Variants in TJP1 observed in about 807,000 individuals in gnomAD.
The protein encoded by TJP1 is tight junction protein ZO-1.
In TJP1, 43 loss-of-function variants were observed where a neutral mutation model predicts 194.2. That is an observed-to-expected ratio of 0.22 (90% CI 0.17 to 0.29). The LOEUF is 0.29. Among genes scored for constraint, TJP1 ranks in the 10% least tolerant of loss-of-function variants. The probability of loss-of-function intolerance (pLI) is 1.00; values close to 1 mark genes in which losing one functional copy is unlikely to be tolerated. For missense variants in TJP1, 1,971 were observed against 2,185.7 expected (o/e 0.90, Z 1.96); for synonymous variants, 801 against 779.0 (o/e 1.03, Z -0.47).
intron 2 of TJP1, among the ~76,000 whole-genome samples, chr15:29,797,582 T>TA (rs201927768): frequency 0.019 from 2,568 of 133,292 alleles, 45 homozygotes; most frequent in African/African-American, 0.044. Context: ...CTGAATACGT[T>TA]AAAAAAAAAA....
chr15:29,924,805 G>A (rs566127173), intron 2 of TJP1, among the ~76,000 whole-genome samples: 36 of 152,286 alleles, frequency 2.4e-4, no homozygotes, highest in African/African-American at 7.7e-4. Context: ...CCCTAGGGCC[G>A]GTTTGCAAGT....
At chr15:29,956,749 C>T (rs916245166) in intron 1 of TJP1, among the ~76,000 whole-genome samples, 5 of 152,058 alleles carry the variant, frequency 3.3e-5, no homozygotes, top group African/African-American at 9.7e-5. Flanking sequence ...ATTAGCCTGT[C>T]CTGGTGGTGC....
At chr15:29,890,198 G>A (rs752255841) in intron 2 of TJP1, among the ~76,000 whole-genome samples, 4 of 152,178 alleles carry the variant, frequency 2.6e-5, no homozygotes, top group Non-Finnish European at 5.9e-5. Flanking sequence ...GGGAGGGGAC[G>A]GGGTGGGATC....
At chr15:29,829,394 G>A (rs933471679) in intron 2 of TJP1, among the ~76,000 whole-genome samples, 1 of 152,058 alleles carries the variant, frequency 6.6e-6, no homozygotes, top group Non-Finnish European at 1.5e-5. Flanking sequence ...TTAGGTGTGC[G>A]AGGGTGCCTG....
intron 2 of TJP1, among the ~76,000 whole-genome samples, chr15:29,832,126 C>T (rs184341370): frequency 6.6e-5 from 10 of 152,176 alleles, no homozygotes; most frequent in Non-Finnish European, 1.3e-4. Context: ...TCTTCCATCC[C>T]TTGAATCTGG....
intron 2 of TJP1, among the ~76,000 whole-genome samples, chr15:29,838,992 CTTTTTTTTTTT>C (rs760557407): frequency 2.4e-5 from 2 of 83,444 alleles, no homozygotes; most frequent in African/African-American, 1.0e-4. Context: ...AAAAATTCAC[CTTTTTTTTTTT>C]TTTTTTTTTT....
chr15:29,949,257 C>T (rs2055426455), intron 2 of TJP1, among the ~76,000 whole-genome samples: 1 of 105,358 alleles, frequency 9.5e-6, no homozygotes, highest in African/African-American at 4.4e-5. Flanking sequence ...ACCACCACCT[C>T]CACCACCACC....
In TJP1 at chr15:29,760,249, C is replaced by T. The variant is rs187848080; in HGVS notation, c.1010+890G>A. 13 of 702,258 alleles carry T rather than the reference C, an allele frequency of 1.9e-5. No homozygotes were observed. In the East Asian group the frequency reaches 3.5e-4, roughly 19 times the overall value. The allele number at this position is 702,258 out of a possible 1,614,324, so 43.5% of individuals were successfully genotyped here. A position where few individuals can be genotyped will look rare whatever the true frequency, so the allele number is the denominator to read the frequency against. ...CAATTGCTGCGTGTATGTGCACATG[C>T]ACATTTTTCTGGAGAGAAGGATCAT... On this transcript the variant is annotated intron_variant, in intron 8 of 27. Coordinates refer to ENST00000614355, the MANE Select transcript of TJP1 (RefSeq NM_001330239.4).
chr15:29,699,962 C>A (rs1257970735), downstream of TJP1: 1 of 253,474 alleles, frequency 3.9e-6, no homozygotes, highest in Non-Finnish European at 7.4e-6. Flanking sequence ...CCACTTCAGT[C>A]TGAGCCCTTC....
At chr15:29,726,505 T>C (rs766202195) in intron 17 of TJP1, 26 bp from the exon 18 acceptor site, 1 of 1,607,332 alleles carries the variant, frequency 6.2e-7, no homozygotes, top group South Asian at 1.1e-5. Context: ...CGATGTAGTT[T>C]TATGGTTAGA....
intron 2 of TJP1, among the ~76,000 whole-genome samples, chr15:29,907,980 T>C (rs2053872973): frequency 7.8e-6 from 1 of 127,942 alleles, no homozygotes; most frequent in African/African-American, 3.0e-5. Flanking sequence ...AAACTAAAAA[T>C]ATGGACAGAG....
intron 2 of TJP1, among the ~76,000 whole-genome samples, chr15:29,787,066 C>G (rs1442308228): frequency 6.6e-6 from 1 of 152,204 alleles, no homozygotes; most frequent in Non-Finnish European, 1.5e-5. Flanking sequence ...AGCTTAAATA[C>G]TTTATCAGAC....
Position 29,711,408 on chromosome 15 carries a change from C to T in TJP1, c.4203-408G>A, listed in dbSNP as rs867006525. The stretch of plus-strand genomic sequence containing the variant: ...TGAGACAGGGTCTCATTCTGTCGCC[C>T]AGACTGGAGTGCAGTGGCGCGATCT... On this transcript the variant is annotated intron_variant, in intron 23 of 27. Transcript: ENST00000614355. Among the ~76,000 whole-genome samples the T allele has an allele frequency of 5.3e-5, 8 of 152,284 alleles. No homozygotes were observed. In the South Asian group the frequency reaches 1.5e-3, roughly 28 times the overall value.
chr15:29,957,682 T>TGTTTATTTTTATCACTCAAC (rs2055998820), intron 1 of TJP1, among the ~76,000 whole-genome samples: 1 of 152,224 alleles, frequency 6.6e-6, no homozygotes, highest in African/African-American at 2.4e-5. Flanking sequence ...TTTAGTTTGT[T>TGTTTATTTTTATCACTCAAC]TTCCTATGTT....
At chr15:29,947,852 C>A (rs540674956) in intron 2 of TJP1, among the ~76,000 whole-genome samples, 53 of 152,330 alleles carry the variant, frequency 3.5e-4, no homozygotes, top group African/African-American at 1.2e-3. Flanking sequence ...ACGAGGGCAG[C>A]CTGGAACAGT....
chr15:29,750,093 C>T lies in TJP1; in HGVS notation c.1011-7312G>A, dbSNP rs566283513. Among the ~76,000 whole-genome samples the T allele has an allele frequency of 2.8e-3, 420 of 152,012 alleles. 3 individuals carry two copies. The highest frequency in any genetic ancestry group is 9.4e-3 in the African/African-American group (388 of 41,462). On this transcript the variant is annotated intron_variant, in intron 8 of 27. Coordinates refer to ENST00000614355, the MANE Select transcript of TJP1 (RefSeq NM_001330239.4). ...TGCGATCCTGGCTCACTGCAAGCTC[C>T]GCCTCCCGGGTTCACGCCATTCTCC...
chr15:29,884,830 G>A (rs2053061475), intron 2 of TJP1, among the ~76,000 whole-genome samples: 1 of 152,180 alleles, frequency 6.6e-6, no homozygotes, highest in Non-Finnish European at 1.5e-5. Context: ...GGATCAAAAA[G>A]TTCTAAGCAG....
chr15:29,729,253 T>C (rs1413845021), intron 15 of TJP1: 1 of 151,954 alleles, frequency 6.6e-6, no homozygotes, highest in African/African-American at 2.4e-5. Flanking sequence ...TGAGCTGAGA[T>C]TGCGTCAGTG....
chr15:29,880,903 T>C (rs548772054), intron 2 of TJP1, among the ~76,000 whole-genome samples: 2 of 152,356 alleles, frequency 1.3e-5, no homozygotes, highest in Admixed American at 6.5e-5. Flanking sequence ...GCAACAAACA[T>C]GGGAGTGCAA....
Sources: gnomAD v4.1 joint callset for allele counts (sites outside exome capture counted in the v4.1 genomes callset) on GRCh38, gnomAD v4.1.1 for gene constraint, MANE v1.5 for transcripts, NCBI Gene and HGNC (gene_info 2026-07-23, HGNC 2026-07-21) for gene names.